The following ATP7B variants were observed in gnomAD, a reference collection of about 807,000 sequenced individuals.
The protein encoded by ATP7B is copper-transporting ATPase 2.
A neutral mutation model predicts 118.9 loss-of-function variants in ATP7B; 113 were observed. The observed-to-expected ratio is 0.95, with a 90% CI of 0.82 to 1.11. The LOEUF (loss-of-function observed/expected upper bound fraction) is 1.11. Among genes scored for constraint, ATP7B ranks in the 50% most tolerant of loss-of-function variants. The pLI is 0.00. For synonymous variants in ATP7B, 777 were observed against 727.4 expected, an observed-to-expected ratio of 1.07 and a Z score of -1.10; for missense variants, 1,867 against 1,871.4, an observed-to-expected ratio of 1.00 and a Z score of 0.04.
At chr13:51,945,312 A>C (rs1349056698) in intron 13 of ATP7B, among the ~76,000 whole-genome samples, 2 of 152,068 alleles carry the variant, frequency 1.3e-5, no homozygotes, top group Non-Finnish European at 2.9e-5. Context: ...CCTCTCTCTC[A>C]ATGATTTTCT....
upstream of ATP7B, among the ~76,000 whole-genome samples, chr13:52,011,837 G>C (rs1021497428): frequency 6.6e-6 from 1 of 152,238 alleles, no homozygotes; most frequent in African/African-American, 2.4e-5. Flanking sequence ...CGGGAGGGCA[G>C]GTGAGCTGCG....
At chr13:51,968,388 T>C in intron 4 of ATP7B, 56 bp downstream of exon 4, 1 of 1,612,538 alleles carries the variant, frequency 6.2e-7, no homozygotes. Context: ...GATGGATGTG[T>C]CCAAAATGCA....
chr13:51,968,357 G>A, intron 4 of ATP7B, 87 bp downstream of exon 4: 1 of 1,588,988 alleles, frequency 6.3e-7, no homozygotes, highest in Non-Finnish European at 8.6e-7. Flanking sequence ...GTCCAAGATG[G>A]GGAAATTTAC....
chr13:51,972,126 T>TA (rs1951871862), intron 2 of ATP7B, among the ~76,000 whole-genome samples: 1 of 152,110 alleles, frequency 6.6e-6, no homozygotes, highest in Non-Finnish European at 1.5e-5. Flanking sequence ...CTTCAGCATT[T>TA]CTCTCAACCA....
At position 51,942,570 on chromosome 13, in the gene ATP7B, G is replaced by C; in HGVS notation, c.3244-16C>G. 1 of 1,613,902 alleles carries C rather than the reference G, an allele frequency of 6.2e-7. No homozygotes were observed. Among genetic ancestry groups the C allele is most frequent in the Non-Finnish European group, 8.5e-7 (1 of 1,179,976 alleles). On this transcript the variant is annotated splice_polypyrimidine_tract_variant and intron_variant, in intron 14 of 20. Transcript: ENST00000242839. ...TTCCAAGTTCCTGGGAAGGTGGAAA[G>C]AGAGGAAGAGGAAACTGTAAGCCAA...
Position 52,011,365 on chromosome 13 carries a change from C to T in ATP7B, c.-28G>A, listed in dbSNP as rs773200631. On this transcript the variant is annotated 5_prime_UTR_variant, in exon 1 of 21. Transcript: ENST00000242839. The stretch of plus-strand genomic sequence containing the variant: ...TCCCGCACGGACACCGAATTCTTCT[C>T]TGATCTGGCTCAGAGCAAAAGGTCA... The T allele has an allele frequency of 2.5e-5, 40 of 1,614,070 alleles. No homozygotes were observed. The highest frequency in any genetic ancestry group is 3.3e-5 in the Non-Finnish European group (39 of 1,179,994).
At chr13:51,954,597 A>G (rs774455154) in intron 9 of ATP7B, among the ~76,000 whole-genome samples, 52 of 152,228 alleles carry the variant, frequency 3.4e-4, no homozygotes, top group Non-Finnish European at 5.4e-4. Flanking sequence ...TGCTAGAACC[A>G]TGAGGATGGA....
intron 1 of ATP7B, among the ~76,000 whole-genome samples, chr13:51,983,505 C>T (rs1057387440): frequency 5.3e-5 from 8 of 152,112 alleles, no homozygotes; most frequent in African/African-American, 1.9e-4. Context: ...CTCAAAGGTC[C>T]CTGCCTGCCA....
chr13:51,948,459 G>A (rs1216349143), intron 12 of ATP7B, among the ~76,000 whole-genome samples: 1 of 152,122 alleles, frequency 6.6e-6, no homozygotes, highest in African/African-American at 2.4e-5. Flanking sequence ...ACTAGACTGG[G>A]CTAGGAATAA....
Position 51,974,045 on chromosome 13 carries a change from AC to A in ATP7B, c.1174del (p.Val392CysfsTer16), listed in dbSNP as rs2140069931. ...SQLEGVQQIS[V>X]SLAEGTATVL... ...TGTTGCAGTCCCTTCGGCCAAAGAC[AC>A]CGATATTTGCTGCACCCCTTCCAGT... On this transcript the variant is annotated frameshift_variant, in exon 2 of 21. Transcript: ENST00000242839. LOFTEE classifies it high-confidence loss of function. The A allele has an allele frequency of 6.2e-7, 1 of 1,614,154 alleles. No individual in the cohort carries two copies. Among genetic ancestry groups the A allele is most frequent in the Non-Finnish European group, 8.5e-7 (1 of 1,180,036 alleles).
intron 1 of ATP7B, among the ~76,000 whole-genome samples, chr13:51,976,021 C>A (rs1451444597): frequency 1.3e-5 from 2 of 152,170 alleles, no homozygotes; most frequent in African/African-American, 4.8e-5. Flanking sequence ...CTTAACACAA[C>A]ACAGTACAAG....
rs970380935 is a variant in ATP7B, at chr13:51,974,149, T to C, written c.1071A>G (p.Thr357=). 7 of 1,613,830 alleles carry C rather than the reference T, an allele frequency of 4.3e-6. No individual in the cohort carries two copies. Among genetic ancestry groups the C allele is most frequent in the Non-Finnish European group, 5.9e-6 (7 of 1,179,970 alleles). ...CAATGGCAATCAGAGTGGTACTGCA[T>C]GTGCCCTGGACCTGGTTTCTCGGTG... ...GSPPRNQVQG[T]CSTTLIAIAG... The change falls in exon 2 of 21, where the codon ACA becomes ACG. Residue 357 remains threonine, a synonymous_variant. Coordinates refer to ENST00000242839, the MANE Select transcript of ATP7B (RefSeq NM_000053.4).
chr13:51,974,195 C>T lies in ATP7B; in HGVS notation c.1025G>A (p.Ser342Asn). The T allele has an allele frequency of 1.2e-6, 2 of 1,613,626 alleles. No homozygotes were observed. Among genetic ancestry groups the T allele is most frequent in the Non-Finnish European group, 8.5e-7 (1 of 1,179,862 alleles). ...EGSGTDHRSS[S>N]SHSPGSPPRN... ...CGGTGGGGAGCCAGGGGAATGAGAACTGGAAGACCTGTGATCTGTCCCACT... is the reference window on the plus strand; with the variant it reads ...CGGTGGGGAGCCAGGGGAATGAGAATTGGAAGACCTGTGATCTGTCCCACT... Residue 342 changes from serine to asparagine, a missense_variant, in exon 2 of 21, where the codon AGT becomes AAT. Physicochemically the swap from Ser to Asn is conservative, Grantham distance 46. Coordinates refer to ENST00000242839, the MANE Select transcript of ATP7B (RefSeq NM_000053.4).
chr13:51,955,097 G>C (rs1164776446), intron 9 of ATP7B, among the ~76,000 whole-genome samples: 1 of 152,168 alleles, frequency 6.6e-6, no homozygotes, highest in African/African-American at 2.4e-5. Flanking sequence ...CCCAGCAAAG[G>C]GATGGTCAGA....
chr13:51,996,335 C>T (rs992466727), intron 1 of ATP7B, among the ~76,000 whole-genome samples: 7 of 152,260 alleles, frequency 4.6e-5, no homozygotes, highest in African/African-American at 1.4e-4. Context: ...AGGAGACACA[C>T]GACACTGTGG....
At chr13:51,980,326 G>C (rs991041410) in intron 1 of ATP7B, among the ~76,000 whole-genome samples, 1 of 152,138 alleles carries the variant, frequency 6.6e-6, no homozygotes, top group African/African-American at 2.4e-5. Flanking sequence ...TCTAGCTTTT[G>C]AATTTTTGAT....
intron 20 of ATP7B, 124 bp downstream of exon 20, chr13:51,935,469 C>A: frequency 9.3e-7 from 1 of 1,080,074 alleles, no homozygotes; most frequent in Non-Finnish European, 1.4e-6. Flanking sequence ...ATGTGGGCTG[C>A]CACTGCAGCA....
intron 9 of ATP7B, among the ~76,000 whole-genome samples, chr13:51,950,763 T>C (rs1225907129): frequency 6.6e-6 from 1 of 151,668 alleles, no homozygotes; most frequent in Non-Finnish European, 1.5e-5. Context: ...GGAGGAGACA[T>C]GGAAGGGCTT....
At chr13:51,966,548 A>G (rs1252137367) in intron 4 of ATP7B, among the ~76,000 whole-genome samples, 1 of 152,108 alleles carries the variant, frequency 6.6e-6, no homozygotes, top group Non-Finnish European at 1.5e-5. Context: ...CAGACAATTC[A>G]CTCTTCTGAG....
Sources: allele counts gnomAD v4.1 joint callset (sites outside exome capture counted in the v4.1 genomes callset), GRCh38; gene constraint gnomAD v4.1.1; transcripts MANE v1.5; gene names NCBI Gene and HGNC (gene_info 2026-07-23, HGNC 2026-07-21).